The following CLSTN2 variants were observed in gnomAD, a reference collection of about 807,000 sequenced individuals.
The protein encoded by CLSTN2 is calsyntenin-2.
A neutral mutation model predicts 101.2 loss-of-function variants in CLSTN2; 48 were observed. That is an observed-to-expected ratio of 0.47 (90% CI 0.38 to 0.60). The LOEUF is 0.60. Among genes scored for constraint, CLSTN2 ranks in the 20% least tolerant of loss-of-function variants. CLSTN2 has a pLI of 0.00. For missense variants in CLSTN2, 1,160 were observed against 1,238.2 expected (o/e 0.94, Z 0.95); for synonymous variants, 481 against 463.6 (o/e 1.04, Z -0.48).
chr3:140,172,156 G>GC (rs1331044138), intron 1 of CLSTN2, among the ~76,000 whole-genome samples: 2 of 137,604 alleles, frequency 1.5e-5, no homozygotes, highest in East Asian at 2.6e-4. Flanking sequence ...GATTATTCTA[G>GC]CCCCCCTCTA....
chr3:140,434,345 G>A (rs2088666680), intron 5 of CLSTN2, among the ~76,000 whole-genome samples: 1 of 152,160 alleles, frequency 6.6e-6, no homozygotes, highest in Admixed American at 6.5e-5. Context: ...CCATGCAGAG[G>A]GACAGTGTAG....
chr3:140,124,339 A>G (rs2350278), intron 1 of CLSTN2, among the ~76,000 whole-genome samples: 107,168 of 152,018 alleles, frequency 0.7, 37,856 homozygotes, highest in East Asian at 0.81. Flanking sequence ...AAGCCATGGG[A>G]TTGTTAGTGG....
chr3:140,494,871 C>CA (rs1176563900), intron 8 of CLSTN2, among the ~76,000 whole-genome samples: 2 of 152,108 alleles, frequency 1.3e-5, no homozygotes, highest in Non-Finnish European at 2.9e-5. Context: ...CATTGATGGA[C>CA]ATTTGGATTG....
chr3:140,447,136 C>A (rs1933101115), intron 5 of CLSTN2, among the ~76,000 whole-genome samples: 1 of 152,218 alleles, frequency 6.6e-6, no homozygotes, highest in African/African-American at 2.4e-5. Flanking sequence ...CAATGCAGGA[C>A]TTTCTGAGTT....
intron 1 of CLSTN2, among the ~76,000 whole-genome samples, chr3:140,014,768 C>T (rs2007164200): frequency 6.6e-6 from 1 of 152,066 alleles, no homozygotes; most frequent in African/African-American, 2.4e-5. Flanking sequence ...GATGAGATGG[C>T]AGAGTGTGCA....
At chr3:140,396,145 A>G (rs564439335) in intron 2 of CLSTN2, among the ~76,000 whole-genome samples, 53 of 152,276 alleles carry the variant, frequency 3.5e-4, no homozygotes, top group African/African-American at 1.1e-3. Flanking sequence ...AGTGAATGCC[A>G]TTAGCAATTC....
At chr3:140,320,354 A>T (rs1206732294) in intron 2 of CLSTN2, among the ~76,000 whole-genome samples, 2 of 152,166 alleles carry the variant, frequency 1.3e-5, no homozygotes, top group Non-Finnish European at 2.9e-5. Flanking sequence ...TCATGGGTTT[A>T]AAAAGGAAAG....
At chr3:140,512,513 C>G (rs574267255) in intron 8 of CLSTN2, among the ~76,000 whole-genome samples, 1 of 152,268 alleles carries the variant, frequency 6.6e-6, no homozygotes, top group East Asian at 1.9e-4. Context: ...GTTTTGATTA[C>G]TATAGTCTTG....
chr3:140,386,005 G>C (rs1576543468), intron 2 of CLSTN2, among the ~76,000 whole-genome samples: 1 of 152,274 alleles, frequency 6.6e-6, no homozygotes, highest in East Asian at 1.9e-4. Flanking sequence ...CTCCTATGAA[G>C]TCAAAACCAT....
Position 140,189,768 on chromosome 3 carries a change from A to G in CLSTN2, c.232+13695A>G, listed in dbSNP as rs141712483. ...ACTCCTTTATTTGTATTTTTTGCCT[A>G]TGGATATCTAATTCCTCCCTCATCC... On this transcript the variant is annotated intron_variant, in intron 2 of 16. Transcript: ENST00000458420. Among the ~76,000 whole-genome samples the G allele has an allele frequency of 6.2e-4, 95 of 152,264 alleles. No homozygotes were observed. The East Asian group carries it at 0.016, about 25-fold the overall frequency.
chr3:140,261,720 A>G (rs192093624), intron 2 of CLSTN2, among the ~76,000 whole-genome samples: 1 of 152,144 alleles, frequency 6.6e-6, no homozygotes, highest in East Asian at 1.9e-4. Context: ...GTGTGTTACT[A>G]TCTGCGTCTA....
intron 1 of CLSTN2, among the ~76,000 whole-genome samples, chr3:140,150,204 A>G (rs1282116884): frequency 6.6e-6 from 1 of 152,248 alleles, no homozygotes; most frequent in Non-Finnish European, 1.5e-5. Context: ...AGGCATTGCT[A>G]GGTGAAGGGA....
chr3:140,329,108 C>T (rs542434359), intron 2 of CLSTN2, among the ~76,000 whole-genome samples: 52 of 152,264 alleles, frequency 3.4e-4, no homozygotes, highest in African/African-American at 1.1e-3. Flanking sequence ...TCCTGTTGGC[C>T]GGGCATGGTG....
intron 9 of CLSTN2, among the ~76,000 whole-genome samples, chr3:140,533,079 T>G (rs1022969147): frequency 1.3e-5 from 2 of 152,214 alleles, no homozygotes; most frequent in Non-Finnish European, 2.9e-5. Flanking sequence ...TGAAGGTATC[T>G]GCCCCTTCCT....
intron 1 of CLSTN2, among the ~76,000 whole-genome samples, chr3:140,071,779 C>T (rs535342920): frequency 6.6e-6 from 1 of 151,848 alleles, no homozygotes; most frequent in South Asian, 2.1e-4. Context: ...TGCAGTGAGC[C>T]GAGACTGCGC....
Position 139,992,370 on chromosome 3 carries a change from C to T in CLSTN2, c.109+56887C>T, listed in dbSNP as rs1175729503. Reference sequence around the variant, plus strand: ...CCTCCTTCTCTTTGATAACCCTGTACTCTACTCTTACGTCCTGAGACATGG... The same window carrying T: ...CCTCCTTCTCTTTGATAACCCTGTATTCTACTCTTACGTCCTGAGACATGG... On this transcript the variant is annotated intron_variant, in intron 1 of 16. Transcript: ENST00000458420. 2.6e-5 allele frequency among the ~76,000 whole-genome samples: 4 copies of T among 152,286 alleles called. No homozygotes were observed. In the East Asian group the frequency reaches 5.8e-4, roughly 22 times the overall value.
intron 1 of CLSTN2, among the ~76,000 whole-genome samples, chr3:139,987,544 ATG>A (rs1936046418): frequency 2.0e-5 from 3 of 152,212 alleles, no homozygotes; most frequent in Admixed American, 2.0e-4. Context: ...GCCTGCCATT[ATG>A]CCATCGGCTT....
At chr3:140,421,347 A>T (rs1576558321) in intron 5 of CLSTN2, 73 bp downstream of exon 5, 1 of 1,545,814 alleles carries the variant, frequency 6.5e-7, no homozygotes, top group East Asian at 2.3e-5. Context: ...CTTGTCCTCA[A>T]ATCATCACAA....
chr3:140,526,436 C>T (rs1211542439), intron 8 of CLSTN2, among the ~76,000 whole-genome samples: 3 of 151,756 alleles, frequency 2.0e-5, no homozygotes, highest in Admixed American at 1.3e-4. Flanking sequence ...AATGGGAAAA[C>T]GTTTCATGCT....
Sources: allele counts gnomAD v4.1 joint callset (sites outside exome capture counted in the v4.1 genomes callset), GRCh38; gene constraint gnomAD v4.1.1; transcripts MANE v1.5; gene names NCBI Gene and HGNC (gene_info 2026-07-23, HGNC 2026-07-21).